The following STK3 variants were observed in gnomAD, a reference collection of about 807,000 sequenced individuals.
STK3 encodes serine/threonine-protein kinase 3.
A neutral mutation model predicts 58.0 loss-of-function variants in STK3; 41 were observed. The ratio of observed to expected loss-of-function variants is 0.71; its 90% CI spans 0.55 to 0.92. The LOEUF is 0.92. STK3 is among the 40% of genes least tolerant of loss of function. STK3 has a pLI of 0.00. For missense variants in STK3, 479 were observed against 602.7 expected (o/e 0.79, Z 2.15); for synonymous variants, 170 against 191.0 (o/e 0.89, Z 0.91).
intron 4 of STK3, among the ~76,000 whole-genome samples, chr8:98,722,309 A>T (rs1563930073): frequency 6.6e-6 from 1 of 152,184 alleles, no homozygotes; most frequent in Non-Finnish European, 1.5e-5. Context: ...ATCTTAGCAA[A>T]TTTGGAAGAT....
At chr8:98,414,500 T>C (rs1818092681) in intron 3 of STK3, among the ~76,000 whole-genome samples, 1 of 152,194 alleles carries the variant, frequency 6.6e-6, no homozygotes, top group South Asian at 2.1e-4. Context: ...GTCCCACTCA[T>C]CCCTCCACCC....
intron 1 of STK3, among the ~76,000 whole-genome samples, chr8:98,813,037 A>AT (rs1157498072): frequency 6.7e-6 from 1 of 149,522 alleles, no homozygotes; most frequent in Non-Finnish European, 1.5e-5. Context: ...AAGCACAATA[A>AT]AAAAAAAAAA....
chr8:98,432,143 G>A (rs1181321520), intron 3 of STK3: 3 of 166,978 alleles, frequency 1.8e-5, no homozygotes, highest in African/African-American at 7.2e-5. Context: ...CTAACCAGCA[G>A]TTTCTTTTAG....
intron 1 of STK3, among the ~76,000 whole-genome samples, chr8:98,936,382 C>T (rs1840197950): frequency 6.6e-6 from 1 of 152,150 alleles, no homozygotes; most frequent in South Asian, 2.1e-4. Flanking sequence ...TTTACTTGTA[C>T]ATCTTCCCAG....
At position 98,547,951 on chromosome 8, in the gene STK3, T is replaced by C. The variant is rs1461253107; in HGVS notation, c.1141+18A>G. On this transcript the variant is annotated intron_variant, in intron 9 of 10. Coordinates refer to ENST00000419617, the MANE Select transcript of STK3 (RefSeq NM_006281.4). ...TTCGAATTAGAAAACTAATATTTAA[T>C]GTAAAAAAGCCACATACTTTTCATA... 2 of 1,528,490 alleles carry C rather than the reference T, an allele frequency of 1.3e-6. No homozygotes were observed. The highest frequency in any genetic ancestry group is 1.8e-6 in the Non-Finnish European group (2 of 1,137,832). 94.7% of individuals were successfully genotyped at this position (1,528,490 alleles called of 1,614,324 possible).
chr8:98,648,091 T>G (rs1456182203), intron 6 of STK3, among the ~76,000 whole-genome samples: 1 of 152,190 alleles, frequency 6.6e-6, no homozygotes, highest in Non-Finnish European at 1.5e-5. Flanking sequence ...CAACTCCAGG[T>G]GACCAGCAAT....
intron 4 of STK3, chr8:98,723,075 A>G: frequency 3.7e-6 from 1 of 270,716 alleles, no homozygotes. Flanking sequence ...TCCTCAATAC[A>G]TTACAGATTT....
intron 8 of STK3, among the ~76,000 whole-genome samples, chr8:98,563,380 T>C (rs1019446009): frequency 3.3e-5 from 5 of 152,148 alleles, no homozygotes; most frequent in Non-Finnish European, 7.3e-5. Flanking sequence ...TTTAGTTTAA[T>C]ACAGATACAG....
chr8:98,828,608 G>A (rs1005925102), upstream of STK3, among the ~76,000 whole-genome samples: 7 of 151,666 alleles, frequency 4.6e-5, no homozygotes, highest in African/African-American at 1.5e-4. Context: ...GAAAGAAAGA[G>A]AGAGAGAGGG....
intron 1 of STK3, among the ~76,000 whole-genome samples, chr8:98,893,191 C>T (rs895937869): frequency 1.3e-5 from 2 of 151,824 alleles, no homozygotes; most frequent in African/African-American, 4.8e-5. Context: ...GAGTTCGAGA[C>T]CAGCCTGGCC....
At chr8:98,687,471 C>A (rs570997056) in intron 6 of STK3, among the ~76,000 whole-genome samples, 1 of 152,284 alleles carries the variant, frequency 6.6e-6, no homozygotes, top group South Asian at 2.1e-4. Context: ...CACCGCCCAC[C>A]TCCAGCTGTG....
At chr8:98,635,179 G>T (rs1309220612) in intron 6 of STK3, among the ~76,000 whole-genome samples, 3 of 152,110 alleles carry the variant, frequency 2.0e-5, no homozygotes, top group Non-Finnish European at 2.9e-5. Flanking sequence ...GACTTTTTAA[G>T]CAATAAGCAT....
upstream of STK3, among the ~76,000 whole-genome samples, chr8:98,391,249 G>T (rs1157149567): frequency 6.6e-6 from 1 of 152,196 alleles, no homozygotes; most frequent in Non-Finnish European, 1.5e-5. Context: ...TCTGTGGGCT[G>T]TAGTTCCAGT....
chr8:98,616,990 C>T (rs1454825471), intron 6 of STK3, among the ~76,000 whole-genome samples: 3 of 152,084 alleles, frequency 2.0e-5, no homozygotes, highest in Admixed American at 6.5e-5. Flanking sequence ...ACTCTCCATC[C>T]CAAATCAACA....
chr8:98,518,710 C>T (rs1452951906), intron 10 of STK3, among the ~76,000 whole-genome samples: 1 of 152,112 alleles, frequency 6.6e-6, no homozygotes, highest in Non-Finnish European at 1.5e-5. Context: ...GTGCACACGC[C>T]ACACCATCTG....
intron 10 of STK3, among the ~76,000 whole-genome samples, chr8:98,460,061 C>T (rs151126591): frequency 0.01 from 1,527 of 152,260 alleles, 15 homozygotes; most frequent in Middle Eastern, 0.027. Flanking sequence ...ACAGCTTGCA[C>T]CATATGCCTG....
rs1310784956 is a variant in STK3, at chr8:98,770,129, A to C, written c.108-2758T>G. ...ATCCTATCAAGCCTCCCTTGATACC[A>C]AAAGCAACTCTGCCCTCCTGTCTGA... is the stretch of plus-strand genomic sequence containing the variant. On this transcript the variant is annotated intron_variant, in intron 2 of 10. Coordinates refer to ENST00000419617, the MANE Select transcript of STK3 (RefSeq NM_006281.4). Among the ~76,000 whole-genome samples, 5 of 152,266 alleles carry C rather than the reference A, an allele frequency of 3.3e-5. No homozygotes were observed. The East Asian group carries it at 9.7e-4, about 29-fold the overall frequency.
chr8:98,922,318 T>C (rs1458789186), intron 1 of STK3, among the ~76,000 whole-genome samples: 2 of 152,108 alleles, frequency 1.3e-5, no homozygotes, highest in Non-Finnish European at 2.9e-5. Context: ...GAAATAAAAA[T>C]ATTCTGGGTT....
intron 6 of STK3, among the ~76,000 whole-genome samples, chr8:98,618,656 C>T (rs367768679): frequency 0.23 from 30,625 of 132,836 alleles, 3,123 homozygotes; most frequent in East Asian, 0.39. Context: ...CACAAGCATT[C>T]TTATACACCA....
Sources: gnomAD v4.1 joint callset for allele counts (sites outside exome capture counted in the v4.1 genomes callset) on GRCh38, gnomAD v4.1.1 for gene constraint, MANE v1.5 for transcripts, NCBI Gene and HGNC (gene_info 2026-07-23, HGNC 2026-07-21) for gene names.